PRKG1: variants seen among roughly 807,000 people sequenced by gnomAD.
PRKG1 encodes the protein cGMP-dependent protein kinase 1.
Under a neutral mutation model 88.1 loss-of-function variants are expected in PRKG1, and 35 were observed. The observed-to-expected ratio is 0.40, with a 90% CI of 0.30 to 0.53. PRKG1 has a LOEUF of 0.53. PRKG1 is among the 20% of genes least tolerant of loss of function. PRKG1 has a pLI of 0.59. For synonymous variants in PRKG1, 303 were observed against 292.5 expected, an observed-to-expected ratio of 1.04 and a Z score of -0.37; for missense variants, 540 against 839.8, an observed-to-expected ratio of 0.64 and a Z score of 4.41.
At chr10:52,045,619 T>C (rs1845845705) in intron 5 of PRKG1, among the ~76,000 whole-genome samples, 1 of 152,090 alleles carries the variant, frequency 6.6e-6, no homozygotes, top group South Asian at 2.1e-4. Flanking sequence ...TTAAATAATC[T>C]TGGTGAGCTA....
chr10:51,924,472 C>T (rs896377982), intron 5 of PRKG1, among the ~76,000 whole-genome samples: 2 of 151,938 alleles, frequency 1.3e-5, no homozygotes, highest in Non-Finnish European at 2.9e-5. Flanking sequence ...AAGATTTTCT[C>T]GGTCTTTAAT....
intron 3 of PRKG1, among the ~76,000 whole-genome samples, chr10:51,678,770 C>G (rs1025247013): frequency 6.6e-6 from 1 of 152,092 alleles, no homozygotes; most frequent in African/African-American, 2.4e-5. Flanking sequence ...CACATGATCC[C>G]TGGAGCTCAA....
At chr10:51,338,207 T>C (rs960858010) in intron 2 of PRKG1, among the ~76,000 whole-genome samples, 6 of 152,078 alleles carry the variant, frequency 3.9e-5, no homozygotes, top group African/African-American at 1.4e-4. Context: ...CACTGGGGCC[T>C]GTTGGGCAGT....
chr10:52,193,548 C>CAAAAAAAAAAAAAAAAAAAAAA (rs34730000), intron 9 of PRKG1, among the ~76,000 whole-genome samples: 1 of 42,820 alleles, frequency 2.3e-5, no homozygotes, highest in African/African-American at 7.4e-5. Context: ...GACTCTGTCT[C>CAAAAAAAAAAAAAAAAAAAAAA]AAAAAAAAAA....
rs1374932605 is a variant in PRKG1 at position 52,011,671 on chromosome 10, T to A, written c.763-42813T>A. On this transcript the variant is annotated intron_variant, in intron 5 of 17. Transcript: ENST00000373980. ...TCCCAATCTTACTTCTTCCCATCAA[T>A]GCCAAACTGGTTGACAGAGCAGATT... 2.0e-5 allele frequency among the ~76,000 whole-genome samples: 3 copies of A among 152,348 alleles called. No homozygotes were observed. The East Asian group carries it at 5.8e-4, about 29-fold the overall frequency.
chr10:51,306,167 G>A lies in PRKG1; in HGVS notation c.478+152837G>A, dbSNP rs187245744. On this transcript the variant is annotated intron_variant, in intron 2 of 17. Coordinates refer to ENST00000373980, the MANE Select transcript of PRKG1 (RefSeq NM_006258.4). ...TGGATTGAAATTAAGTTTGGTCTGA[G>A]TCAAAGTCTGCTTTCTTTTCATTCC... Among the ~76,000 whole-genome samples the A allele has an allele frequency of 7.1e-4, 108 of 152,334 alleles. 1 individual carries two copies. The highest frequency in any genetic ancestry group is 2.4e-3 in the African/African-American group (101 of 41,584).
At chr10:51,882,706 AT>A (rs1015284067) in intron 4 of PRKG1, among the ~76,000 whole-genome samples, 17 of 152,232 alleles carry the variant, frequency 1.1e-4, no homozygotes, top group African/African-American at 3.4e-4. Context: ...AGGCTTGGAT[AT>A]TGATTTGAAC....
intron 2 of PRKG1, among the ~76,000 whole-genome samples, chr10:51,434,209 C>T (rs1010950145): frequency 4.6e-5 from 7 of 152,066 alleles, no homozygotes; most frequent in South Asian, 2.1e-4. Flanking sequence ...CAAGGCAGTG[C>T]GCCTTCAAAT....
intron 5 of PRKG1, among the ~76,000 whole-genome samples, chr10:52,017,088 G>A (rs1030878418): frequency 4.6e-5 from 7 of 152,088 alleles, no homozygotes; most frequent in African/African-American, 1.7e-4. Context: ...AAGAGGGAGT[G>A]AAGGCTTGAG....
At chr10:51,844,304 G>A (rs964617953) in intron 4 of PRKG1, among the ~76,000 whole-genome samples, 2 of 151,966 alleles carry the variant, frequency 1.3e-5, no homozygotes, top group Non-Finnish European at 2.9e-5. Context: ...TGTGAATAAC[G>A]TGTTCATCTT....
At chr10:51,357,521 A>G (rs777407885) in intron 2 of PRKG1, among the ~76,000 whole-genome samples, 3 of 151,968 alleles carry the variant, frequency 2.0e-5, no homozygotes, top group African/African-American at 7.2e-5. Context: ...AATGACGGAC[A>G]TTCAGTTAAG....
At chr10:51,038,203 G>C (rs1843377631) in intron 1 of PRKG1, among the ~76,000 whole-genome samples, 2 of 152,182 alleles carry the variant, frequency 1.3e-5, no homozygotes, top group Non-Finnish European at 2.9e-5. Flanking sequence ...TGGATACATA[G>C]TTGGTGTATA....
At chr10:52,272,575 A>G in intron 12 of PRKG1, 94 bp downstream of exon 12, 1 of 863,844 alleles carries the variant, frequency 1.2e-6, no homozygotes, top group Non-Finnish European at 1.8e-6. Context: ...TAATAATCAT[A>G]TTTATAATTT....
intron 7 of PRKG1, among the ~76,000 whole-genome samples, chr10:52,114,780 C>T (rs2132597302): frequency 6.6e-6 from 1 of 152,070 alleles, no homozygotes; most frequent in Admixed American, 6.6e-5. Context: ...CTCAGTGCTC[C>T]CAATAGAGTA....
At chr10:51,062,899 G>A (rs1300646576) in intron 1 of PRKG1, 1 of 152,152 alleles carries the variant, frequency 6.6e-6, no homozygotes, top group Non-Finnish European at 1.5e-5. Context: ...TGGGATTACA[G>A]GCATGAGCCA....
intron 2 of PRKG1, among the ~76,000 whole-genome samples, chr10:51,409,850 CAA>C (rs71459417): frequency 6.3e-5 from 5 of 79,492 alleles, no homozygotes; most frequent in Admixed American, 1.5e-4. Context: ...GAGACTCTGT[CAA>C]AAAAAAAAAA....
chr10:51,090,065 G>A (rs546367046), intron 1 of PRKG1, among the ~76,000 whole-genome samples: 1 of 152,276 alleles, frequency 6.6e-6, no homozygotes, highest in East Asian at 1.9e-4. Context: ...CACTAACTAG[G>A]TGTGTAATAT....
intron 2 of PRKG1, among the ~76,000 whole-genome samples, chr10:51,393,881 G>T (rs969983884): frequency 6.6e-6 from 1 of 151,904 alleles, no homozygotes; most frequent in African/African-American, 2.4e-5. Flanking sequence ...ACTATTTGGG[G>T]GTATATATGG....
chr10:51,870,129 G>T (rs1030164918), intron 4 of PRKG1, among the ~76,000 whole-genome samples: 1 of 152,024 alleles, frequency 6.6e-6, no homozygotes, highest in African/African-American at 2.4e-5. Context: ...TTTTTCTTAA[G>T]GCAATGCAAT....
Sources: allele counts gnomAD v4.1 joint callset (sites outside exome capture counted in the v4.1 genomes callset), GRCh38; gene constraint gnomAD v4.1.1; transcripts MANE v1.5; gene names NCBI Gene and HGNC (gene_info 2026-07-23, HGNC 2026-07-21).